Variants in GATM observed in about 807,000 individuals in gnomAD.
The protein encoded by GATM is glycine amidinotransferase, mitochondrial.
GATM carries 23 observed loss-of-function variants against 54.2 expected under a neutral mutation model. The observed-to-expected ratio is 0.42, with a 90% CI of 0.31 to 0.60. The LOEUF (loss-of-function observed/expected upper bound fraction) is 0.60. GATM is among the 20% of genes least tolerant of loss of function. The pLI is 0.14. For synonymous variants in GATM, 168 were observed against 183.1 expected (o/e 0.92, Z 0.67); for missense variants, 401 against 544.9 (o/e 0.74, Z 2.63).
intron 2 of GATM, chr15:45,397,441 C>T (rs1003044236): frequency 6.6e-6 from 1 of 151,984 alleles, no homozygotes; most frequent in Non-Finnish European, 1.5e-5. Flanking sequence ...TGATGAAGGC[C>T]CCATAAAAAT....
chr15:45,386,281 C>T (rs962290331), intron 3 of GATM, among the ~76,000 whole-genome samples: 3 of 152,152 alleles, frequency 2.0e-5, no homozygotes, highest in South Asian at 4.1e-4. Context: ...ACAATCTTTG[C>T]GTGGAGATGT....
chr15:45,380,678 T>C (rs1258609989), upstream of GATM: 1 of 152,094 alleles, frequency 6.6e-6, no homozygotes, highest in Non-Finnish European at 1.5e-5. Flanking sequence ...TATTTTAATT[T>C]TGCAGATGTA....
In GATM at chr15:45,366,468, G is replaced by C; in HGVS notation, c.716C>G (p.Ala239Gly). Residue 239 changes from alanine to glycine, a missense_variant, in exon 5 of 9, where the codon GCT becomes GGT. By Grantham distance (60) the Ala-to-Gly change is moderately conservative. Transcript: ENST00000396659. ...AGTTGTCACAAATTTTCCCTGAGCA[G>C]CCAATTTGTGTCTGTCTTCTACAGA... is the stretch of plus-strand genomic sequence containing the variant. ...IHSVEDRHKL[A>G]AQGKFVTTEF... The C allele has an allele frequency of 6.2e-7, 1 of 1,614,110 alleles. No individual in the cohort carries two copies. The highest frequency in any genetic ancestry group is 8.5e-7 in the Non-Finnish European group (1 of 1,180,006).
At chr15:45,386,186 T>C (rs1311672163) in intron 3 of GATM, among the ~76,000 whole-genome samples, 1 of 152,330 alleles carries the variant, frequency 6.6e-6, no homozygotes, top group East Asian at 1.9e-4. Flanking sequence ...AATATGAAAT[T>C]GTATGTACAG....
rs373802463 is a variant in GATM at position 45,364,854 on chromosome 15, G to A, written c.985C>T (p.Leu329Phe). ...NPDRPCHQIDLFKKAGWTIIT... is the reference protein window; with the variant it reads ...NPDRPCHQIDFFKKAGWTIIT... Reference sequence around the variant, plus strand: ...ATAGTCCATCCTGCTTTCTTGAAAAGATCAATCTGTAAGACCAAAAAAAAC... The same window carrying A: ...ATAGTCCATCCTGCTTTCTTGAAAAAATCAATCTGTAAGACCAAAAAAAAC... Residue 329 changes from leucine (L) to phenylalanine (F), a missense_variant, in exon 7 of 9, where the codon CTT becomes TTT. Coordinates refer to ENST00000396659, the MANE Select transcript of GATM (RefSeq NM_001482.3). 2 of 1,613,676 alleles carry A rather than the reference G, an allele frequency of 1.2e-6. No homozygotes were observed. Among genetic ancestry groups the A allele is most frequent in the South Asian group, 2.2e-5 (2 of 91,074 alleles).
upstream of GATM, chr15:45,379,024 CT>C (rs1402040532): frequency 6.6e-6 from 1 of 152,136 alleles, no homozygotes; most frequent in Non-Finnish European, 1.5e-5. Flanking sequence ...AAAACTAAGT[CT>C]GGAAATTGGG....
chr15:45,376,591 C>T lies in GATM; in HGVS notation c.288+10G>A. The stretch of plus-strand genomic sequence containing the variant: ...GCGCACTTTCAGACATGTGAATAGC[C>T]TTCCTTTACCTTCACCTCGATGGTG... On this transcript the variant is annotated intron_variant, in intron 2 of 8. Transcript: ENST00000396659. The T allele has an allele frequency of 6.2e-7, 1 of 1,613,316 alleles. No individual in the cohort carries two copies. Among genetic ancestry groups the T allele is most frequent in the Non-Finnish European group, 8.5e-7 (1 of 1,179,288 alleles).
chr15:45,365,903 A>T, intron 6 of GATM, 143 bp downstream of exon 6: 1 of 765,204 alleles, frequency 1.3e-6, no homozygotes, highest in Non-Finnish European at 2.3e-6. Context: ...TAAGGAATCC[A>T]ATGTTTGATC....
At chr15:45,401,468 T>A (rs903572137) in intron 1 of GATM, among the ~76,000 whole-genome samples, 3 of 152,112 alleles carry the variant, frequency 2.0e-5, no homozygotes, top group African/African-American at 7.2e-5. Context: ...TGTCTTTGAG[T>A]ATCTGTAGTT....
chr15:45,372,528 T>A (rs959969457), intron 2 of GATM, among the ~76,000 whole-genome samples: 1 of 152,214 alleles, frequency 6.6e-6, no homozygotes, highest in African/African-American at 2.4e-5. Context: ...TCCTCTCAGA[T>A]ACATGCTGGT....
At chr15:45,391,017 A>G (rs1345204268) in intron 3 of GATM, among the ~76,000 whole-genome samples, 3 of 152,218 alleles carry the variant, frequency 2.0e-5, no homozygotes, top group African/African-American at 7.2e-5. Flanking sequence ...CTCCACGCCT[A>G]CTTGTACAAA....
chr15:45,400,600 A>G (rs566571470), intron 1 of GATM, among the ~76,000 whole-genome samples: 4 of 152,348 alleles, frequency 2.6e-5, no homozygotes, highest in African/African-American at 9.6e-5. Flanking sequence ...AGCAACATGT[A>G]GTTTCCTTCT....
At chr15:45,382,531 G>A (rs996007766), upstream of GATM, among the ~76,000 whole-genome samples, 4 of 151,888 alleles carry the variant, frequency 2.6e-5, no homozygotes, top group Non-Finnish European at 4.4e-5. Context: ...GTGTGTTGGT[G>A]CACACCTGTA....
At chr15:45,401,835 C>G (rs1415776482) in intron 1 of GATM, 1 of 152,426 alleles carries the variant, frequency 6.6e-6, no homozygotes, top group Non-Finnish European at 1.5e-5. Context: ...TTCCCTCCCA[C>G]TATGCTGGTA....
At chr15:45,386,047 C>T (rs762507410) in intron 3 of GATM, among the ~76,000 whole-genome samples, 7 of 152,286 alleles carry the variant, frequency 4.6e-5, no homozygotes, top group African/African-American at 7.2e-5. Flanking sequence ...AAAATTTGTA[C>T]GCTTTTCTCT....
chr15:45,371,371 G>C (rs542879376), intron 2 of GATM, among the ~76,000 whole-genome samples: 4 of 152,136 alleles, frequency 2.6e-5, no homozygotes, highest in African/African-American at 4.8e-5. Flanking sequence ...GTTAAAGCAG[G>C]TATTTTAAAA....
At chr15:45,367,387 T>C (rs540521191) in intron 4 of GATM, among the ~76,000 whole-genome samples, 101 of 151,370 alleles carry the variant, frequency 6.7e-4, no homozygotes, top group African/African-American at 2.4e-3. Flanking sequence ...ATTCTGAGAA[T>C]ATTCCATGAA....
intron 1 of GATM, chr15:45,377,229 C>A (rs779606831): frequency 1.6e-5 from 8 of 489,498 alleles, no homozygotes; most frequent in Non-Finnish European, 2.9e-5. Context: ...GGGACGGAAC[C>A]TCCTTTTCCC....
At chr15:45,389,187 C>T (rs544147419) in intron 3 of GATM, among the ~76,000 whole-genome samples, 1 of 152,298 alleles carries the variant, frequency 6.6e-6, no homozygotes, top group Non-Finnish European at 1.5e-5. Context: ...AATATATAAA[C>T]TTCTCCCATT....
Sources: gnomAD v4.1 joint callset for allele counts (sites outside exome capture counted in the v4.1 genomes callset) on GRCh38, gnomAD v4.1.1 for gene constraint, MANE v1.5 for transcripts, NCBI Gene and HGNC (gene_info 2026-07-23, HGNC 2026-07-21) for gene names.